Variants in DNAH6 observed in about 807,000 individuals in gnomAD.
The protein encoded by DNAH6 is dynein axonemal heavy chain 6.
A neutral mutation model predicts 491.4 loss-of-function variants in DNAH6; 340 were observed. The ratio of observed to expected loss-of-function variants is 0.69; its 90% CI spans 0.63 to 0.76. The LOEUF (loss-of-function observed/expected upper bound fraction) is 0.76. Ranked by LOEUF, DNAH6 falls within the 30% of genes least tolerant of loss-of-function variation. DNAH6 has a pLI of 0.00. For synonymous variants in DNAH6, 1,603 were observed against 1,686.1 expected, an observed-to-expected ratio of 0.95 and a Z score of 1.21; for missense variants, 4,443 against 4,972.2, an observed-to-expected ratio of 0.89 and a Z score of 3.20.
chr2:84,552,796 C>A, intron 9 of DNAH6, 122 bp from the exon 10 acceptor site: 1 of 485,344 alleles, frequency 2.1e-6, no homozygotes, highest in Non-Finnish European at 3.6e-6. Flanking sequence ...ACACTTTCCA[C>A]ATGCCAAGAT....
chr2:84,677,713 A>C (rs912777228), intron 41 of DNAH6, among the ~76,000 whole-genome samples: 1 of 152,238 alleles, frequency 6.6e-6, no homozygotes, highest in African/African-American at 2.4e-5. Context: ...ACAGATTGAG[A>C]GGCATTATTT....
chr2:84,720,552 A>G (rs1698038041), intron 59 of DNAH6, among the ~76,000 whole-genome samples: 1 of 151,968 alleles, frequency 6.6e-6, no homozygotes, highest in Non-Finnish European at 1.5e-5. Context: ...TGCTGGGATT[A>G]CAGGCGTGAG....
intron 64 of DNAH6, among the ~76,000 whole-genome samples, chr2:84,780,455 C>T (rs577496936): frequency 6.6e-6 from 1 of 152,262 alleles, no homozygotes; most frequent in East Asian, 1.9e-4. Flanking sequence ...TATTTTGAAA[C>T]TCCTGTGGTG....
chr2:84,689,766 T>A (rs1192304), intron 45 of DNAH6, among the ~76,000 whole-genome samples: 16,329 of 152,188 alleles, frequency 0.11, 1,542 homozygotes, highest in African/African-American at 0.25. Flanking sequence ...TGGACAACGC[T>A]GTGTGCCACA....
chr2:84,473,371 T>C, the DNAH6 span, among the ~76,000 whole-genome samples: 3 of 152,180 alleles, frequency 2.0e-5, no homozygotes, highest in Non-Finnish European at 4.4e-5. Flanking sequence ...AGAGTGAACG[T>C]TTTAGTCGTA....
At chr2:84,748,842 G>T (rs1157268218) in intron 63 of DNAH6, among the ~76,000 whole-genome samples, 2 of 152,174 alleles carry the variant, frequency 1.3e-5, no homozygotes, top group Non-Finnish European at 2.9e-5. Flanking sequence ...AGTCCATTGG[G>T]CTCACAGTTC....
At chr2:84,639,742 C>A (rs1177796167) in intron 31 of DNAH6, among the ~76,000 whole-genome samples, 2 of 152,040 alleles carry the variant, frequency 1.3e-5, no homozygotes, top group Admixed American at 1.3e-4. Flanking sequence ...TTTTTAATCA[C>A]CTACTGTGTG....
At chr2:84,461,846 G>GGGCAGTCTAGGAGCTAC in the DNAH6 span, among the ~76,000 whole-genome samples, 1 of 152,144 alleles carries the variant, frequency 6.6e-6, no homozygotes, top group African/African-American at 2.4e-5. Context: ...TCCATAAGGA[G>GGGCAGTCTAGGAGCTAC]GGCAGTCTAG....
chr2:84,735,369 G>A (rs780821595), intron 62 of DNAH6, among the ~76,000 whole-genome samples: 1 of 152,178 alleles, frequency 6.6e-6, no homozygotes, highest in Non-Finnish European at 1.5e-5. Context: ...GAGTGCGGGT[G>A]TGTTTTGGTA....
chr2:84,476,988 C>T, the DNAH6 span, among the ~76,000 whole-genome samples: 2,237 of 152,302 alleles, frequency 0.015, 38 homozygotes, highest in Middle Eastern at 0.095. Flanking sequence ...CATGCTCTAG[C>T]GTTCCTTCAC....
chr2:84,611,339 C>T (rs1157704831), intron 21 of DNAH6, among the ~76,000 whole-genome samples: 8 of 152,018 alleles, frequency 5.3e-5, no homozygotes. Flanking sequence ...TGAAAATGGT[C>T]ACTGAACTTT....
intron 70 of DNAH6, among the ~76,000 whole-genome samples, chr2:84,801,017 A>G (rs1196861710): frequency 6.2e-5 from 9 of 145,724 alleles, no homozygotes; most frequent in Non-Finnish European, 1.0e-4. Context: ...AACACCCCAT[A>G]TTCTCACTCA....
At chr2:84,783,901 T>C (rs1676935778) in intron 65 of DNAH6, among the ~76,000 whole-genome samples, 1 of 152,130 alleles carries the variant, frequency 6.6e-6, no homozygotes, top group Admixed American at 6.5e-5. Context: ...GCAAGGAAGA[T>C]AGCAATTTTA....
intron 37 of DNAH6, among the ~76,000 whole-genome samples, chr2:84,662,683 A>G (rs1691643359): frequency 6.6e-6 from 1 of 152,232 alleles, no homozygotes; most frequent in Non-Finnish European, 1.5e-5. Context: ...GGGGCAGGGC[A>G]TAGCTGAACA....
intron 61 of DNAH6, among the ~76,000 whole-genome samples, chr2:84,732,090 G>C (rs190378446): frequency 6.6e-6 from 1 of 152,108 alleles, no homozygotes; most frequent in Non-Finnish European, 1.5e-5. Flanking sequence ...TGCTGTGCAG[G>C]GGGTGTGGGG....
chr2:84,621,216 C>T lies in DNAH6; in HGVS notation c.3818C>T (p.Ala1273Val). The change falls in exon 25 of 77, where the codon GCC becomes GTC. Residue 1273 changes from alanine (A) to valine (V), a missense_variant. Transcript: ENST00000389394. ...ERVSLGKGLK[A>V]RGNVEEWLGK... is the part of the protein sequence containing the mutation. ...GTTAGCTTGGGGAAAGGCCTCAAGGCCCGAGGCAATGTAGAGGAATGGCTT... is the reference window on the plus strand; with the variant it reads ...GTTAGCTTGGGGAAAGGCCTCAAGGTCCGAGGCAATGTAGAGGAATGGCTT... The T allele has an allele frequency of 6.4e-7, 1 of 1,551,568 alleles. No individual in the cohort carries two copies. Among genetic ancestry groups the T allele is most frequent in the Non-Finnish European group, 8.7e-7 (1 of 1,146,888 alleles).
the DNAH6 span, among the ~76,000 whole-genome samples, chr2:84,502,385 T>C: frequency 1.3e-5 from 2 of 152,206 alleles, no homozygotes; most frequent in Non-Finnish European, 2.9e-5. Context: ...GAGAAGATAC[T>C]TGATATTATT....
intron 14 of DNAH6, among the ~76,000 whole-genome samples, chr2:84,579,993 C>T (rs942037671): frequency 2.6e-5 from 4 of 152,070 alleles, no homozygotes; most frequent in Admixed American, 1.3e-4. Context: ...ATGTGTGATC[C>T]GAGATCACAA....
At chr2:84,686,921 C>T (rs554064343) in intron 44 of DNAH6, among the ~76,000 whole-genome samples, 30 of 152,246 alleles carry the variant, frequency 2.0e-4, no homozygotes, top group African/African-American at 5.8e-4. Flanking sequence ...ATTTTGGTAA[C>T]GGTTTGAATC....
Sources: gnomAD v4.1 joint callset for allele counts (sites outside exome capture counted in the v4.1 genomes callset) on GRCh38, gnomAD v4.1.1 for gene constraint, MANE v1.5 for transcripts, NCBI Gene and HGNC (gene_info 2026-07-23, HGNC 2026-07-21) for gene names.